The following ARL15 variants were observed in gnomAD, a reference collection of about 807,000 sequenced individuals.
ARL15 encodes the protein ADP-ribosylation factor-like protein 15.
Under a neutral mutation model 25.2 loss-of-function variants are expected in ARL15, and 19 were observed. The observed-to-expected ratio is 0.75, with a 90% CI of 0.53 to 1.10. ARL15 has a LOEUF of 1.10. Among genes scored for constraint, ARL15 ranks in the 50% least tolerant of loss-of-function variants. ARL15 has a pLI of 0.00. For synonymous variants in ARL15, 94 were observed against 86.8 expected, an observed-to-expected ratio of 1.08 and a Z score of -0.46; for missense variants, 220 against 246.0, an observed-to-expected ratio of 0.89 and a Z score of 0.71.
chr5:54,101,526 T>A lies in ARL15; in HGVS notation c.462+11676A>T, dbSNP rs7719836. Among the ~76,000 whole-genome samples, 925 of 152,218 alleles carry A rather than the reference T, an allele frequency of 6.1e-3. 10 individuals are homozygous for A. The highest frequency in any genetic ancestry group is 0.02 in the African/African-American group (842 of 41,568). Reference sequence around the variant, plus strand: ...TGAAGGGCTACTACAACATTCAGAATAATTAAAGAAGCCTGTATTTCCCTA... The same window carrying A: ...TGAAGGGCTACTACAACATTCAGAAAAATTAAAGAAGCCTGTATTTCCCTA... On this transcript the variant is annotated intron_variant, in intron 4 of 4. Coordinates refer to ENST00000504924, the MANE Select transcript of ARL15 (RefSeq NM_019087.3).
chr5:54,003,666 A>T (rs770776021), intron 4 of ARL15, among the ~76,000 whole-genome samples: 9 of 52,892 alleles, frequency 1.7e-4, no homozygotes, highest in Non-Finnish European at 2.8e-4. Flanking sequence ...TTTTCTTTCT[A>T]TCTATCTATC....
intron 4 of ARL15, among the ~76,000 whole-genome samples, chr5:53,897,429 C>CT (rs1318464537): frequency 6.6e-6 from 1 of 152,348 alleles, no homozygotes; most frequent in East Asian, 1.9e-4. Context: ...TACTTCATCC[C>CT]TTTTTACGGC....
At chr5:53,926,890 T>C (rs2112036758) in intron 4 of ARL15, among the ~76,000 whole-genome samples, 1 of 150,810 alleles carries the variant, frequency 6.6e-6, no homozygotes, top group African/African-American at 2.4e-5. Context: ...TGCCTCAAGG[T>C]AAAGACCTCA....
intron 1 of ARL15, among the ~76,000 whole-genome samples, chr5:54,241,825 A>C (rs1262857754): frequency 3.3e-5 from 5 of 152,242 alleles, no homozygotes; most frequent in Admixed American, 2.6e-4. Context: ...TGTTGCAGAA[A>C]GAATGCCATA....
At chr5:54,141,789 A>T (rs1010404481) in intron 3 of ARL15, among the ~76,000 whole-genome samples, 36 of 152,228 alleles carry the variant, frequency 2.4e-4, no homozygotes, top group Admixed American at 2.2e-3. Context: ...AATTTTATAT[A>T]AATAGAATAC....
Position 54,230,705 on chromosome 5 carries a change from G to A in ARL15, c.49-58777C>T, listed in dbSNP as rs530284151. Reference sequence around the variant, plus strand: ...GTAATCCTGTCCTCTCCCTCTGTGCGCCCTCATCCAGGTTCTCACTCCCTA... The same window carrying A: ...GTAATCCTGTCCTCTCCCTCTGTGCACCCTCATCCAGGTTCTCACTCCCTA... On this transcript the variant is annotated intron_variant, in intron 1 of 4. Transcript: ENST00000504924. 1.1e-4 allele frequency among the ~76,000 whole-genome samples: 17 copies of A among 152,130 alleles called. No individual in the cohort carries two copies. The South Asian group carries it at 2.1e-3, about 19-fold the overall frequency.
intron 4 of ARL15, among the ~76,000 whole-genome samples, chr5:54,051,977 C>T (rs1579741190): frequency 1.3e-5 from 2 of 152,218 alleles, no homozygotes; most frequent in African/African-American, 4.8e-5. Flanking sequence ...AATGAGCTAT[C>T]AAACCACAAA....
rs77599505 is a variant in ARL15, at chr5:54,087,641, T to A, written c.462+25561A>T. 9.0e-3 allele frequency among the ~76,000 whole-genome samples: 1,369 copies of A among 151,848 alleles called. 23 individuals are homozygous for A. Among genetic ancestry groups the A allele is most frequent in the Admixed American group, 0.039 (599 of 15,228 alleles). ...ATGTGACTGTTAAAATATAAACATG[T>A]GACTCGTTTCCATTGGCATTCACCG... On this transcript the variant is annotated intron_variant, in intron 4 of 4. Transcript: ENST00000504924.
At chr5:54,180,192 A>G (rs1276267888) in intron 1 of ARL15, among the ~76,000 whole-genome samples, 1 of 152,178 alleles carries the variant, frequency 6.6e-6, no homozygotes, top group Non-Finnish European at 1.5e-5. Flanking sequence ...AAAATAAATA[A>G]GCAAATACTA....
chr5:53,887,392 G>A, intron 4 of ARL15: 1 of 698,926 alleles, frequency 1.4e-6, no homozygotes, highest in South Asian at 1.5e-5. Flanking sequence ...TTCTAGGATG[G>A]AAAAAGCAAG....
At chr5:54,156,423 G>C (rs1754234708) in intron 2 of ARL15, among the ~76,000 whole-genome samples, 2 of 152,188 alleles carry the variant, frequency 1.3e-5, no homozygotes, top group South Asian at 2.1e-4. Context: ...TTATCACAGT[G>C]CCTGGTACAC....
rs1744531271 is a variant in ARL15 at position 53,886,565 on chromosome 5, A to G, written c.611T>C (p.Met204Thr). The G allele has an allele frequency of 1.3e-6, 2 of 1,556,652 alleles. No individual in the cohort carries two copies. The highest frequency in any genetic ancestry group is 1.2e-5 in the South Asian group (1 of 83,620). Reference protein sequence around the residue: ...LEEKDHEAVRM With the variant: ...LEEKDHEAVRT ...GCCTGTTTTCTTTGCCAGATTTCAC[A>G]TTCTTACAGCTTCATGGTCTTTTTC... The change falls in exon 5 of 5, where the codon ATG (methionine) becomes ACG (threonine). Residue 204 changes from methionine (M) to threonine (T), a missense_variant. Coordinates refer to ENST00000504924, the MANE Select transcript of ARL15 (RefSeq NM_019087.3).
intron 4 of ARL15, among the ~76,000 whole-genome samples, chr5:54,017,759 T>C (rs970038746): frequency 6.6e-6 from 1 of 152,044 alleles, no homozygotes; most frequent in Non-Finnish European, 1.5e-5. Flanking sequence ...TTCCATCTGT[T>C]CTCTAACCCT....
intron 1 of ARL15, among the ~76,000 whole-genome samples, chr5:54,245,587 G>A (rs1364379397): frequency 4.6e-5 from 7 of 151,830 alleles, no homozygotes; most frequent in African/African-American, 1.7e-4. Flanking sequence ...AAATCAGGAT[G>A]GGGACTTCTT....
At chr5:54,109,996 T>A (rs1752694293) in intron 4 of ARL15, among the ~76,000 whole-genome samples, 1 of 152,026 alleles carries the variant, frequency 6.6e-6, no homozygotes, top group Admixed American at 6.6e-5. Context: ...AGACATAAAA[T>A]CTTAAAATTC....
At chr5:54,042,400 C>G (rs534053290) in intron 4 of ARL15, among the ~76,000 whole-genome samples, 1 of 152,286 alleles carries the variant, frequency 6.6e-6, no homozygotes, top group Non-Finnish European at 1.5e-5. Context: ...GTATCATTAT[C>G]AGAGGGGTAC....
At chr5:54,112,058 G>A (rs1192985545) in intron 4 of ARL15, among the ~76,000 whole-genome samples, 1 of 152,016 alleles carries the variant, frequency 6.6e-6, no homozygotes, top group African/African-American at 2.4e-5. Flanking sequence ...CGTACTTAAT[G>A]CTGAATGAGG....
In ARL15 at chr5:54,044,510, G is replaced by C. The variant is rs140130256; in HGVS notation, c.462+68692C>G. Among the ~76,000 whole-genome samples, 1,253 of 152,166 alleles carry C rather than the reference G, an allele frequency of 8.2e-3. 5 individuals carry two copies. The highest frequency in any genetic ancestry group is 0.013 in the Non-Finnish European group (877 of 68,000). On this transcript the variant is annotated intron_variant, in intron 4 of 4. Transcript: ENST00000504924. ...TCCACCCGCCTTGGCCTCCCAAAGC[G>C]CTGGGATTACAGGCGTGACCCACTG...
At chr5:54,255,887 T>C (rs1356356011) in intron 1 of ARL15, among the ~76,000 whole-genome samples, 1 of 151,556 alleles carries the variant, frequency 6.6e-6, no homozygotes, top group Non-Finnish European at 1.5e-5. Flanking sequence ...ATGACACAAG[T>C]TTTCAAAACC....
Sources: gnomAD v4.1 joint callset for allele counts (sites outside exome capture counted in the v4.1 genomes callset) on GRCh38, gnomAD v4.1.1 for gene constraint, MANE v1.5 for transcripts, NCBI Gene and HGNC (gene_info 2026-07-23, HGNC 2026-07-21) for gene names.